LACTBL1: variants seen among roughly 807,000 people sequenced by gnomAD.
LACTBL1 encodes beta-lactamase-like protein 1.
In LACTBL1, 29 loss-of-function variants were observed where a neutral mutation model predicts 39.6. The ratio of observed to expected loss-of-function variants is 0.73; its 90% CI spans 0.55 to 1.00. The LOEUF (loss-of-function observed/expected upper bound fraction) is 1.00. Ranked by LOEUF, LACTBL1 falls within the 50% of genes least tolerant of loss-of-function variation. LACTBL1 has a pLI of 0.00. For missense variants in LACTBL1, 711 were observed against 748.5 expected (o/e 0.95, Z 0.59); for synonymous variants, 361 against 360.7 (o/e 1.00, Z -0.01).
rs1640781545 is a variant in LACTBL1 at position 22,958,202 on chromosome 1, C to A, written c.553+483G>T. Reference sequence around the variant, plus strand: ...CTGGGCTCAAGTGATCCTCCCACCTCAGCCTCCCGAGTAGCTAAGACTACA... The same window carrying A: ...CTGGGCTCAAGTGATCCTCCCACCTAAGCCTCCCGAGTAGCTAAGACTACA... On this transcript the variant is annotated intron_variant, in intron 4 of 5. Coordinates refer to ENST00000426928, the Ensembl canonical transcript of LACTBL1. 2.6e-5 allele frequency among the ~76,000 whole-genome samples: 4 copies of A among 152,336 alleles called. No individual in the cohort carries two copies. The South Asian group carries it at 8.3e-4, about 32-fold the overall frequency.
chr1:22,955,035 CG>C (rs1640747276), intron 5 of LACTBL1, among the ~76,000 whole-genome samples: 1 of 152,256 alleles, frequency 6.6e-6, no homozygotes, highest in Admixed American at 6.5e-5. Context: ...GCAAACTCCA[CG>C]AGGAGCAAAC....
At chr1:22,971,448 G>A in the LACTBL1 span, among the ~76,000 whole-genome samples, 5 of 152,236 alleles carry the variant, frequency 3.3e-5, no homozygotes, top group African/African-American at 1.2e-4. Context: ...GCTGGCAGTA[G>A]GGGAGGGCCC....
chr1:22,953,897 A>G, exon 6 of LACTBL1: 5 of 1,550,176 alleles, frequency 3.2e-6, no homozygotes, highest in Non-Finnish European at 4.4e-6. Flanking sequence ...GTGAGGTCAA[A>G]GCCCGTGTCT....
At chr1:22,969,694 G>A (rs1640919330), upstream of LACTBL1, among the ~76,000 whole-genome samples, 1 of 151,406 alleles carries the variant, frequency 6.6e-6, no homozygotes, top group Non-Finnish European at 1.5e-5. Flanking sequence ...TTGGGGCTGT[G>A]GTTTCCTTTT....
upstream of LACTBL1, among the ~76,000 whole-genome samples, chr1:22,970,257 G>A (rs767819877): frequency 2.0e-5 from 3 of 152,162 alleles, no homozygotes; most frequent in Non-Finnish European, 2.9e-5. Context: ...CTGTACAAGG[G>A]AATACTACTC....
chr1:22,957,673 A>G (rs373297329), intron 4 of LACTBL1, among the ~76,000 whole-genome samples: 84 of 100,582 alleles, frequency 8.4e-4, no homozygotes, highest in African/African-American at 3.2e-3. Flanking sequence ...TTTTTGAGAC[A>G]GAGTTTCTCT....
chr1:22,963,180 C>G, exon 2 of LACTBL1: 1 of 1,334,184 alleles, frequency 7.5e-7, no homozygotes, highest in Non-Finnish European at 9.6e-7. Context: ...GGGACACATC[C>G]TCACAGGGGC....
chr1:22,955,324 G>A (rs1640750303), exon 5 of LACTBL1: 1 of 1,550,116 alleles, frequency 6.5e-7, no homozygotes, highest in Non-Finnish European at 8.7e-7. Flanking sequence ...TCCTCACCTG[G>A]TTCCCGGGTC....
exon 6 of LACTBL1, chr1:22,953,832 C>G: frequency 6.5e-7 from 1 of 1,547,636 alleles, no homozygotes; most frequent in South Asian, 1.2e-5. Context: ...CATAGAGTGG[C>G]GCCGGCCGCC....
chr1:22,958,961 G>A, intron 3 of LACTBL1, 41 bp from the exon 6 acceptor site: 1 of 1,408,358 alleles, frequency 7.1e-7, no homozygotes, highest in South Asian at 1.3e-5. Flanking sequence ...AGGGCATCCT[G>A]TTGGCCCCAC....
At chr1:22,965,970 G>A (rs1640872539), upstream of LACTBL1, among the ~76,000 whole-genome samples, 1 of 152,174 alleles carries the variant, frequency 6.6e-6, no homozygotes, top group South Asian at 2.1e-4. Flanking sequence ...CACTGCTAAT[G>A]GCTATGAGTT....
chr1:22,959,022 C>T, intron 3 of LACTBL1, 102 bp from the exon 6 acceptor site: 1 of 696,690 alleles, frequency 1.4e-6, no homozygotes. Flanking sequence ...TAGAAAAGCA[C>T]TGCATCCCTG....
chr1:22,958,584 G>A, intron 4 of LACTBL1, 101 bp downstream of exon 6: 1 of 963,500 alleles, frequency 1.0e-6, no homozygotes, highest in Middle Eastern at 3.5e-4. Flanking sequence ...AGTTCAGGAA[G>A]CAGAGCCAAG....
At chr1:22,956,343 C>T (rs1640761645) in intron 4 of LACTBL1, among the ~76,000 whole-genome samples, 1 of 152,192 alleles carries the variant, frequency 6.6e-6, no homozygotes, top group Non-Finnish European at 1.5e-5. Context: ...TGCACTCCAG[C>T]ATGGGAAACA....
intron 4 of LACTBL1, among the ~76,000 whole-genome samples, chr1:22,957,507 A>G (rs1032512548): frequency 2.0e-5 from 3 of 152,062 alleles, no homozygotes; most frequent in African/African-American, 7.2e-5. Flanking sequence ...TTTTACCACA[A>G]CCTCAGCAAC....
chr1:22,953,931 G>T (rs12048993), exon 6 of LACTBL1: 602,485 of 1,549,966 alleles, frequency 0.39, 119,211 homozygotes, highest in East Asian at 0.54. Flanking sequence ...GCTCCAGCAC[G>T]TTCTCCGAGA....
chr1:22,969,604 C>A (rs1025842727), upstream of LACTBL1, among the ~76,000 whole-genome samples: 1 of 152,106 alleles, frequency 6.6e-6, no homozygotes, highest in Admixed American at 6.6e-5. Context: ...CCATTCCCTG[C>A]CCCTCCCCTG....
the LACTBL1 span, among the ~76,000 whole-genome samples, chr1:22,970,945 C>G: frequency 6.6e-6 from 1 of 152,112 alleles, no homozygotes; most frequent in African/African-American, 2.4e-5. Context: ...GGAGTAACCC[C>G]AGATACAAAG....
exon 6 of LACTBL1, chr1:22,953,137 T>C (rs1640720003): frequency 8.1e-7 from 1 of 1,232,124 alleles, no homozygotes; most frequent in South Asian, 4.1e-5. Context: ...CCCGTGGTGA[T>C]CCAAGGGGTA....
Sources: allele counts gnomAD v4.1 joint callset (sites outside exome capture counted in the v4.1 genomes callset), GRCh38; gene constraint gnomAD v4.1.1; transcripts MANE v1.5; gene names NCBI Gene and HGNC (gene_info 2026-07-23, HGNC 2026-07-21).